RNF4: variants seen among roughly 807,000 people sequenced by gnomAD.
The protein encoded by RNF4 is E3 ubiquitin-protein ligase RNF4.
Under a neutral mutation model 24.3 loss-of-function variants are expected in RNF4, and 7 were observed. The observed-to-expected ratio is 0.29, with a 90% CI of 0.16 to 0.54. The LOEUF is 0.54. Among genes scored for constraint, RNF4 ranks in the 20% least tolerant of loss-of-function variants. RNF4 has a pLI of 0.95. For synonymous variants in RNF4, 83 were observed against 84.3 expected (o/e 0.98, Z 0.09); for missense variants, 209 against 248.5 (o/e 0.84, Z 1.07).
intron 4 of RNF4, 148 bp downstream of exon 4, chr4:2,500,886 AAAGAAAATAAACAGT>A (rs1490154833): frequency 4.5e-6 from 3 of 670,638 alleles, no homozygotes; most frequent in Non-Finnish European, 7.8e-6. Context: ...GAGCTTTTAG[AAAGAAAATAAACAGT>A]AACAATAATA....
At chr4:2,474,920 G>A (rs1436759540) in intron 1 of RNF4, among the ~76,000 whole-genome samples, 2 of 152,068 alleles carry the variant, frequency 1.3e-5, no homozygotes, top group Non-Finnish European at 1.5e-5. Context: ...CCAGCTACTC[G>A]GGAAGCTGAG....
rs191008536 is a variant in RNF4 at position 2,487,430 on chromosome 4, C to T, written c.-157-2907C>T. On this transcript the variant is annotated intron_variant, in intron 1 of 7. Coordinates refer to ENST00000314289, the MANE Select transcript of RNF4 (RefSeq NM_002938.5). ...CCTCCTACGTAGCTGGGATTATAGG[C>T]GCACACCACCACACCCGGCTAATTT... 3.8e-3 allele frequency among the ~76,000 whole-genome samples: 573 copies of T among 152,244 alleles called. 2 individuals are homozygous for T. The highest frequency in any genetic ancestry group is 0.011 in the African/African-American group (450 of 41,530).
intron 1 of RNF4, among the ~76,000 whole-genome samples, chr4:2,482,995 C>A (rs559030757): frequency 5.3e-5 from 8 of 152,300 alleles, no homozygotes; most frequent in Admixed American, 1.3e-4. Context: ...GGTTCCAGTT[C>A]CTCCTGGGGT....
intron 1 of RNF4, chr4:2,470,129 T>A (rs2108744515): frequency 6.6e-6 from 1 of 152,396 alleles, no homozygotes; most frequent in African/African-American, 2.4e-5. Context: ...CTGCACCAAG[T>A]TCTTGAGCCA....
chr4:2,476,317 T>C (rs1009936990), intron 1 of RNF4, among the ~76,000 whole-genome samples: 1 of 152,224 alleles, frequency 6.6e-6, no homozygotes, highest in East Asian at 1.9e-4. Flanking sequence ...CTCCTACTCT[T>C]GCAAGTTGAA....
chr4:2,482,513 C>T (rs1274262991), intron 1 of RNF4, among the ~76,000 whole-genome samples: 3 of 152,194 alleles, frequency 2.0e-5, no homozygotes, highest in Non-Finnish European at 4.4e-5. Flanking sequence ...CATTATCTTA[C>T]CCTTTCTCCT....
At chr4:2,513,159 G>C in intron 7 of RNF4, 28 bp downstream of exon 7, 1 of 1,608,356 alleles carries the variant, frequency 6.2e-7, no homozygotes, top group South Asian at 1.1e-5. Flanking sequence ...TATCTTCCAG[G>C]CTTCTGGTTT....
chr4:2,481,318 C>T (rs903975815), intron 1 of RNF4: 1 of 152,154 alleles, frequency 6.6e-6, no homozygotes, highest in Non-Finnish European at 1.5e-5. Flanking sequence ...CAACATTTTT[C>T]AGTGTTGTGC....
intron 1 of RNF4, among the ~76,000 whole-genome samples, chr4:2,488,326 TG>T (rs1400189530): frequency 6.6e-6 from 1 of 152,138 alleles, no homozygotes; most frequent in Non-Finnish European, 1.5e-5. Flanking sequence ...TAGCCTGGTG[TG>T]GTGGCACATG....
intron 1 of RNF4, among the ~76,000 whole-genome samples, chr4:2,476,292 A>G (rs1056340000): frequency 6.6e-6 from 1 of 152,184 alleles, no homozygotes; most frequent in African/African-American, 2.4e-5. Flanking sequence ...GATGTCTTCC[A>G]GTGTTGGTTC....
At chr4:2,497,881 G>A (rs531932672) in intron 3 of RNF4, among the ~76,000 whole-genome samples, 201 of 152,182 alleles carry the variant, frequency 1.3e-3, no homozygotes, top group African/African-American at 4.4e-3. Flanking sequence ...TGATCCACCC[G>A]TCTCGGCCTC....
In RNF4 at chr4:2,479,454, C is replaced by T. The variant is rs1021973363; in HGVS notation, c.-158+10196C>T. Among the ~76,000 whole-genome samples, 7 of 152,154 alleles carry T rather than the reference C, an allele frequency of 4.6e-5. No individual in the cohort carries two copies. The South Asian group carries it at 1.5e-3, about 32-fold the overall frequency. On this transcript the variant is annotated intron_variant, in intron 1 of 7. Transcript: ENST00000314289. Reference sequence around the variant, plus strand: ...TGAATTTCCACATGTGGGAGGGACCCGGTGGGAGGTAATTGAATCATGGGG... The same window carrying T: ...TGAATTTCCACATGTGGGAGGGACCTGGTGGGAGGTAATTGAATCATGGGG...
chr4:2,492,650 C>T (rs561703845), intron 2 of RNF4, among the ~76,000 whole-genome samples: 1 of 152,274 alleles, frequency 6.6e-6, no homozygotes, highest in South Asian at 2.1e-4. Context: ...TCAGAGGGAA[C>T]AGTGATGGAA....
chr4:2,474,470 C>T (rs1225949081), intron 1 of RNF4, among the ~76,000 whole-genome samples: 1 of 151,880 alleles, frequency 6.6e-6, no homozygotes, highest in Non-Finnish European at 1.5e-5. Context: ...AGAGTTGCTT[C>T]CTGTGGACAG....
chr4:2,496,806 C>A (rs974453058), intron 2 of RNF4, among the ~76,000 whole-genome samples: 2 of 152,130 alleles, frequency 1.3e-5, no homozygotes, highest in Non-Finnish European at 2.9e-5. Flanking sequence ...TCTGGAATTT[C>A]TACTCATTTT....
chr4:2,503,650 G>A (rs1231166449), intron 4 of RNF4, among the ~76,000 whole-genome samples: 1 of 152,176 alleles, frequency 6.6e-6, no homozygotes, highest in East Asian at 1.9e-4. Context: ...CTTGAGTTTG[G>A]AATTCTGCCT....
At chr4:2,474,381 CAAA>C (rs35982596) in intron 1 of RNF4, among the ~76,000 whole-genome samples, 10 of 105,272 alleles carry the variant, frequency 9.5e-5, no homozygotes, top group Admixed American at 2.2e-4. Context: ...GACTCTGTCT[CAAA>C]AAAAAAAAAA....
chr4:2,478,592 G>A (rs1169531837), intron 1 of RNF4, among the ~76,000 whole-genome samples: 4 of 152,270 alleles, frequency 2.6e-5, no homozygotes, highest in Non-Finnish European at 2.9e-5. Context: ...AACTCAGGCT[G>A]TGGTTTCAGA....
chr4:2,469,416 CGCGCGGGCGCACCGAGCCCGGCTTG>C (rs1338856512), intron 1 of RNF4, 158 bp downstream of exon 1: 7 of 152,304 alleles, frequency 4.6e-5, no homozygotes, highest in Admixed American at 3.9e-4. Context: ...CACTGCCGTC[CGCGCGGGCGCACCGAGCCCGGCTTG>C]GCGCGGGCAA....
Sources: gnomAD v4.1 joint callset for allele counts (sites outside exome capture counted in the v4.1 genomes callset) on GRCh38, gnomAD v4.1.1 for gene constraint, MANE v1.5 for transcripts, NCBI Gene and HGNC (gene_info 2026-07-23, HGNC 2026-07-21) for gene names.